Variants in NAALADL2 observed in about 807,000 individuals in gnomAD.
NAALADL2 encodes the protein N-acetylated alpha-linked acidic dipeptidase like 2, also known as inactive N-acetylated-alpha-linked acidic dipeptidase-like protein 2.
A neutral mutation model predicts 87.2 loss-of-function variants in NAALADL2; 76 were observed. The observed-to-expected ratio is 0.87, with a 90% CI of 0.72 to 1.05. NAALADL2 has a LOEUF of 1.05. Among genes scored for constraint, NAALADL2 ranks in the 50% least tolerant of loss-of-function variants. The pLI is 0.00. For synonymous variants in NAALADL2, 354 were observed against 331.0 expected (o/e 1.07, Z -0.75); for missense variants, 1,089 against 945.8 (o/e 1.15, Z -1.99).
At chr3:175,487,331 C>T (rs1236122696) in intron 9 of NAALADL2, among the ~76,000 whole-genome samples, 1 of 152,130 alleles carries the variant, frequency 6.6e-6, no homozygotes, top group Admixed American at 6.6e-5. Flanking sequence ...GTCAGTCCCT[C>T]CTTCTAGGAT....
At chr3:175,534,068 ATTAT>A (rs1470190384) in intron 9 of NAALADL2, among the ~76,000 whole-genome samples, 2 of 151,034 alleles carry the variant, frequency 1.3e-5, no homozygotes, top group South Asian at 2.1e-4. Context: ...TAATAAATAA[ATTAT>A]TTATTATGCC....
At chr3:175,469,982 T>C (rs1724633610) in intron 8 of NAALADL2, among the ~76,000 whole-genome samples, 1 of 152,094 alleles carries the variant, frequency 6.6e-6, no homozygotes, top group South Asian at 2.1e-4. Context: ...TTTTAAATGA[T>C]TGTCTTTTCA....
chr3:174,795,784 T>C (rs1315056944), intron 3 of NAALADL2, among the ~76,000 whole-genome samples: 1 of 152,336 alleles, frequency 6.6e-6, no homozygotes, highest in East Asian at 1.9e-4. Context: ...CTCATGACTG[T>C]TGATATTTGA....
At chr3:175,358,707 G>T (rs1764657523) in intron 5 of NAALADL2, among the ~76,000 whole-genome samples, 1 of 152,178 alleles carries the variant, frequency 6.6e-6, no homozygotes, top group Admixed American at 6.6e-5. Flanking sequence ...TGAGGTAATA[G>T]TTCATGACAA....
At chr3:175,788,088 G>GTTTTT (rs1004422588) in intron 13 of NAALADL2, among the ~76,000 whole-genome samples, 2 of 104,244 alleles carry the variant, frequency 1.9e-5, no homozygotes, top group Non-Finnish European at 3.9e-5. Context: ...TTTTTTACCT[G>GTTTTT]TTTTTTTTTT....
At chr3:174,718,170 A>T (rs1429663929) in intron 2 of NAALADL2, among the ~76,000 whole-genome samples, 1 of 152,186 alleles carries the variant, frequency 6.6e-6, no homozygotes. Context: ...TCCTTTAATG[A>T]TAAGATATGC....
chr3:175,200,118 A>G (rs1009614138), intron 2 of NAALADL2, among the ~76,000 whole-genome samples: 3 of 151,582 alleles, frequency 2.0e-5, no homozygotes, highest in Non-Finnish European at 4.4e-5. Flanking sequence ...AATTTGTTTG[A>G]AACTAGCTAC....
chr3:175,684,686 C>T (rs1019094129), intron 11 of NAALADL2, among the ~76,000 whole-genome samples: 1 of 151,922 alleles, frequency 6.6e-6, no homozygotes, highest in African/African-American at 2.4e-5. Flanking sequence ...GCCTGTAGTC[C>T]CAGCTACTCG....
At chr3:174,764,979 A>T (rs905142358) in intron 3 of NAALADL2, among the ~76,000 whole-genome samples, 1 of 152,206 alleles carries the variant, frequency 6.6e-6, no homozygotes, top group Non-Finnish European at 1.5e-5. Context: ...ATACATGTAC[A>T]TGTTACTTTC....
intron 1 of NAALADL2, among the ~76,000 whole-genome samples, chr3:175,074,744 C>T (rs568336315): frequency 2.0e-5 from 3 of 151,732 alleles, no homozygotes; most frequent in Non-Finnish European, 4.4e-5. Flanking sequence ...TTTTTTCAGT[C>T]TGAGGGGAGA....
At chr3:175,681,318 G>T (rs1386246676) in intron 11 of NAALADL2, among the ~76,000 whole-genome samples, 1 of 151,956 alleles carries the variant, frequency 6.6e-6, no homozygotes, top group Admixed American at 6.6e-5. Context: ...GATATTTAAA[G>T]TCAAGTTCTT....
Position 175,386,262 on chromosome 3 carries a change from GTCC to G in NAALADL2, c.1091-60961_1091-60959del, listed in dbSNP as rs563457865. On this transcript the variant is annotated intron_variant, in intron 5 of 13. Coordinates refer to ENST00000454872, the MANE Select transcript of NAALADL2 (RefSeq NM_207015.3). Reference sequence around the variant, plus strand: ...ATTCTGTAGGCCCCCCTCCCACTTTGTCCTCCTCTGAGATTTATTTTCAAAGAA... The same window carrying G: ...ATTCTGTAGGCCCCCCTCCCACTTTGTCCTCTGAGATTTATTTTCAAAGAA... 1.7e-4 allele frequency among the ~76,000 whole-genome samples: 26 copies of G among 149,694 alleles called. No homozygotes were observed. The South Asian group carries it at 5.3e-3, about 30-fold the overall frequency.
chr3:175,286,990 T>A (rs879389409), intron 4 of NAALADL2, among the ~76,000 whole-genome samples: 1 of 67,356 alleles, frequency 1.5e-5, no homozygotes, highest in African/African-American at 5.4e-5. Flanking sequence ...GGTGGAGGGG[T>A]GTGGGGATGG....
intron 12 of NAALADL2, among the ~76,000 whole-genome samples, chr3:175,740,591 T>A (rs764025446): frequency 2.9e-4 from 44 of 152,344 alleles, no homozygotes; most frequent in Non-Finnish European, 5.1e-4. Context: ...CAAAGGCATT[T>A]CTAATTTTGC....
intron 1 of NAALADL2, among the ~76,000 whole-genome samples, chr3:174,926,939 G>T (rs1316535843): frequency 2.6e-5 from 4 of 151,428 alleles, no homozygotes; most frequent in African/African-American, 9.7e-5. Context: ...AGACTCACCA[G>T]TGTGCTGTAT....
chr3:175,146,535 A>G lies in NAALADL2; in HGVS notation c.545+49244A>G, dbSNP rs1438346018. Among the ~76,000 whole-genome samples the G allele has an allele frequency of 3.3e-5, 5 of 152,186 alleles. No individual in the cohort carries two copies. In the East Asian group the frequency reaches 7.7e-4, roughly 23 times the overall value. On this transcript the variant is annotated intron_variant, in intron 2 of 13. Transcript: ENST00000454872. Reference sequence around the variant, plus strand: ...TTGTAGATAAATCAGAGATGAAATGAAATTCATAGAATATTACTTTTGCTT... The same window carrying G: ...TTGTAGATAAATCAGAGATGAAATGGAATTCATAGAATATTACTTTTGCTT...
intron 1 of NAALADL2, among the ~76,000 whole-genome samples, chr3:174,897,165 T>C (rs146364793): frequency 1.6e-3 from 246 of 152,170 alleles, no homozygotes; most frequent in African/African-American, 5.5e-3. Flanking sequence ...CATGGACAAA[T>C]TGAATCATGT....
chr3:174,594,974 T>C (rs1239988611), intron 2 of NAALADL2, among the ~76,000 whole-genome samples: 2 of 152,192 alleles, frequency 1.3e-5, no homozygotes, highest in African/African-American at 4.8e-5. Context: ...AAACTTTAAG[T>C]GGCCAATTCC....
At chr3:175,108,811 C>A (rs1723693525) in intron 2 of NAALADL2, among the ~76,000 whole-genome samples, 1 of 151,804 alleles carries the variant, frequency 6.6e-6, no homozygotes, top group Non-Finnish European at 1.5e-5. Flanking sequence ...GGGCAAAGAG[C>A]AAAGATAGAC....
Sources: gnomAD v4.1 joint callset for allele counts (sites outside exome capture counted in the v4.1 genomes callset) on GRCh38, gnomAD v4.1.1 for gene constraint, MANE v1.5 for transcripts, NCBI Gene and HGNC (gene_info 2026-07-23, HGNC 2026-07-21) for gene names.